Variants in PRRC1 observed in about 807,000 individuals in gnomAD.
PRRC1 encodes the protein protein PRRC1.
A neutral mutation model predicts 40.7 loss-of-function variants in PRRC1; 39 were observed. That is an observed-to-expected ratio of 0.96 (90% CI 0.74 to 1.25). The LOEUF (loss-of-function observed/expected upper bound fraction) is 1.25, where lower values mean the gene tolerates loss of function less well. Ranked by LOEUF, PRRC1 falls within the 50% of genes most tolerant of loss-of-function variation. PRRC1 has a pLI of 0.00. For synonymous variants in PRRC1, 175 were observed against 193.3 expected, an observed-to-expected ratio of 0.91 and a Z score of 0.79; for missense variants, 573 against 548.3, an observed-to-expected ratio of 1.05 and a Z score of -0.45.
At chr5:127,542,800 C>T (rs1438699088) in intron 7 of PRRC1, among the ~76,000 whole-genome samples, 1 of 150,930 alleles carries the variant, frequency 6.6e-6, no homozygotes. Flanking sequence ...CTGAATACAG[C>T]ACACTGATGG....
At chr5:127,548,101 C>T (rs924083453) in intron 8 of PRRC1, 180 bp downstream of exon 8, 49 of 646,684 alleles carry the variant, frequency 7.6e-5, no homozygotes, top group Non-Finnish European at 1.3e-4. Flanking sequence ...GTTTTAGTAC[C>T]TTCCTCCTTT....
intron 1 of PRRC1, among the ~76,000 whole-genome samples, chr5:127,520,444 G>C (rs1580925697): frequency 6.6e-6 from 1 of 152,150 alleles, no homozygotes; most frequent in East Asian, 1.9e-4. Context: ...ATGTCCTTCA[G>C]CAGGTACATT....
In PRRC1 at chr5:127,552,405, AC is replaced by A. The variant is rs1768418607; in HGVS notation, c.*490del. Reference sequence around the variant, plus strand: ...GTGCTGAGCAGCCTGCTCAACAGTCACTATAAGACACCTACTTGTCGGGAGA... The same window carrying A: ...GTGCTGAGCAGCCTGCTCAACAGTCATATAAGACACCTACTTGTCGGGAGA... On this transcript the variant is annotated 3_prime_UTR_variant, in exon 9 of 9. Coordinates refer to ENST00000296666, the MANE Select transcript of PRRC1 (RefSeq NM_130809.5). 1 of 932,552 alleles carries A rather than the reference AC, an allele frequency of 1.1e-6. No individual in the cohort carries two copies. Among genetic ancestry groups the A allele is most frequent in the East Asian group, 1.1e-4 (1 of 8,992 alleles). 57.8% of individuals were successfully genotyped at this position (932,552 alleles called of 1,614,324 possible).
intron 4 of PRRC1, among the ~76,000 whole-genome samples, chr5:127,530,014 A>G (rs1158591342): frequency 1.3e-5 from 2 of 152,134 alleles, no homozygotes; most frequent in East Asian, 3.9e-4. Context: ...ACACACACAT[A>G]TATATGTATA....
intron 4 of PRRC1, 134 bp downstream of exon 4, chr5:127,526,912 G>T: frequency 1.4e-6 from 1 of 710,106 alleles, no homozygotes; most frequent in South Asian, 2.6e-5. Flanking sequence ...TTCTGTAGCT[G>T]CTCTCAGTCT....
chr5:127,539,079 G>T lies in PRRC1; in HGVS notation c.961G>T (p.Val321Leu), dbSNP rs771433746. The stretch of plus-strand genomic sequence containing the variant: ...GATAGATAGCTTGCGTCGAACTGGG[G>T]TGATCCATGAAAAACAGACAGCTGT... ...ERIDSLRRTG[V>L]IHEKQTAVSV... The change falls in exon 7 of 9, where the codon GTG (valine) becomes TTG (leucine). Residue 321 changes from valine (V) to leucine (L), a missense_variant. Coordinates refer to ENST00000296666, the MANE Select transcript of PRRC1 (RefSeq NM_130809.5). The T allele has an allele frequency of 4.3e-6, 7 of 1,612,826 alleles. No homozygotes were observed. Among genetic ancestry groups the T allele is most frequent in the Non-Finnish European group, 5.9e-6 (7 of 1,179,060 alleles).
At position 127,531,617 on chromosome 5, in the gene PRRC1, C is replaced by CTTCTTTTTTTTTTTTTTTTTT. The variant is rs1268819647; in HGVS notation, c.757+1223_757+1224insCTTTTTTTTTTTTTTTTTTTT. ...GCCAGGTGTTTTTATTCTTCTTCTT[C>CTTCTTTTTTTTTTTTTTTTTT]TTTTTTTTTTTTTTTTTTTTTTTGA... is the stretch of plus-strand genomic sequence containing the variant. On this transcript the variant is annotated intron_variant, in intron 5 of 8. Transcript: ENST00000296666. 1.0e-4 allele frequency among the ~76,000 whole-genome samples: 10 copies of CTTCTTTTTTTTTTTTTTTTTT among 99,646 alleles called. 1 individual carries two copies. The highest frequency in any genetic ancestry group is 4.6e-4 in the African/African-American group (10 of 21,562). The allele number at this position is 99,646 out of a possible 152,430, so 65.4% of individuals were successfully genotyped here. A position where few individuals can be genotyped will look rare whatever the true frequency, so the allele number is the denominator to read the frequency against.
At chr5:127,526,426 T>A (rs1015152478) in intron 3 of PRRC1, among the ~76,000 whole-genome samples, 192 bp from the exon 4 acceptor site, 1 of 152,192 alleles carries the variant, frequency 6.6e-6, no homozygotes, top group African/African-American at 2.4e-5. Flanking sequence ...TTTAAGACTA[T>A]ATAAAGGGAA....
Position 127,552,606 on chromosome 5 carries a change from T to C in PRRC1, c.*690T>C. ...ACTATGAACATTGGGGTAATACATT[T>C]TATTTTTTCATTGCTATATGACAGC... On this transcript the variant is annotated 3_prime_UTR_variant, in exon 9 of 9. Coordinates refer to ENST00000296666, the MANE Select transcript of PRRC1 (RefSeq NM_130809.5). 1.0e-6 allele frequency: 1 copy of C among 981,862 alleles called. No individual in the cohort carries two copies. The highest frequency in any genetic ancestry group is 1.2e-6 in the Non-Finnish European group (1 of 826,290). The allele number at this position is 981,862 out of a possible 1,614,324, so 60.8% of individuals were successfully genotyped here. A position where few individuals can be genotyped will look rare whatever the true frequency, so the allele number is the denominator to read the frequency against.
intron 4 of PRRC1, 114 bp from the exon 5 acceptor site, chr5:127,530,180 A>G: frequency 1.4e-6 from 1 of 717,688 alleles, no homozygotes; most frequent in South Asian, 2.0e-5. Flanking sequence ...TATCTTACAA[A>G]AGTACTGGTT....
At chr5:127,529,110 T>G (rs1767699335) in intron 4 of PRRC1, among the ~76,000 whole-genome samples, 1 of 152,158 alleles carries the variant, frequency 6.6e-6, no homozygotes, top group South Asian at 2.1e-4. Context: ...GATTTTTCTT[T>G]TAAATTTTTC....
In PRRC1 at chr5:127,553,935, A is replaced by G. The variant is rs778780080; in HGVS notation, c.*2019A>G. On this transcript the variant is annotated 3_prime_UTR_variant, in exon 9 of 9. Coordinates refer to ENST00000296666, the MANE Select transcript of PRRC1 (RefSeq NM_130809.5). ...TGGGTGAGGAAGATGAGAGATGGTC[A>G]GATGGAAGAGAGAAATACATGAACT... 1 of 1,532,870 alleles carries G rather than the reference A, an allele frequency of 6.5e-7. No individual in the cohort carries two copies. The highest frequency in any genetic ancestry group is 1.4e-5 in the African/African-American group (1 of 72,998). 95.0% of individuals were successfully genotyped at this position (1,532,870 alleles called of 1,614,324 possible). A position where few individuals can be genotyped will look rare whatever the true frequency, so the allele number is the denominator to read the frequency against.
chr5:127,538,779 T>C (rs902641280), intron 6 of PRRC1, among the ~76,000 whole-genome samples: 9 of 152,182 alleles, frequency 5.9e-5, no homozygotes, highest in South Asian at 2.1e-4. Flanking sequence ...GAAAATGTAA[T>C]ATAAAAATAA....
Position 127,552,269 on chromosome 5 carries a change from T to C in PRRC1, c.*353T>C. The C allele has an allele frequency of 2.9e-6, 3 of 1,051,960 alleles. No homozygotes were observed. Among genetic ancestry groups the C allele is most frequent in the Non-Finnish European group, 2.3e-6 (2 of 869,804 alleles). The allele number at this position is 1,051,960 out of a possible 1,614,324, so 65.2% of individuals were successfully genotyped here. Reference sequence around the variant, plus strand: ...ATTATTTTGTTCTTTAAAGAAGACATTATTAAAGAACATGTTGGTTGAATG... The same window carrying C: ...ATTATTTTGTTCTTTAAAGAAGACACTATTAAAGAACATGTTGGTTGAATG... On this transcript the variant is annotated 3_prime_UTR_variant, in exon 9 of 9. Coordinates refer to ENST00000296666, the MANE Select transcript of PRRC1 (RefSeq NM_130809.5).
chr5:127,527,262 T>C (rs981240647), intron 4 of PRRC1, among the ~76,000 whole-genome samples: 2 of 152,216 alleles, frequency 1.3e-5, no homozygotes, highest in African/African-American at 4.8e-5. Context: ...ATGAAGTGTG[T>C]ATACATTCTG....
intron 5 of PRRC1, 132 bp from the exon 6 acceptor site, chr5:127,533,488 AATG>A (rs1484511862): frequency 2.5e-5 from 20 of 789,484 alleles, no homozygotes; most frequent in Non-Finnish European, 3.9e-5. Context: ...TAAAAAAGAT[AATG>A]ATCTATATCT....
Position 127,551,812 on chromosome 5 carries a change from T to G in PRRC1, c.1234T>G (p.Trp412Gly), listed in dbSNP as rs765882287. Residue 412 changes from tryptophan (W) to glycine (G), a missense_variant, in exon 9 of 9, where the codon TGG becomes GGG. Coordinates refer to ENST00000296666, the MANE Select transcript of PRRC1 (RefSeq NM_130809.5). ...TTTACTGAATGTCAGCCGGACTGATTGGCACATGGCATTTACTGGGATGTC... is the reference window on the plus strand; with the variant it reads ...TTTACTGAATGTCAGCCGGACTGATGGGCACATGGCATTTACTGGGATGTC... ...KSLLNVSRTD[W>G]HMAFTGMSRR... 9.3e-6 allele frequency: 15 copies of G among 1,614,034 alleles called. No individual in the cohort carries two copies. The highest frequency in any genetic ancestry group is 1.3e-5 in the Non-Finnish European group (15 of 1,180,014).
intron 8 of PRRC1, 165 bp downstream of exon 8, chr5:127,548,086 A>G (rs764660217): frequency 6.4e-5 from 44 of 682,432 alleles, no homozygotes; most frequent in Admixed American, 2.7e-4. Flanking sequence ...TGATCCTTCC[A>G]TGTTGTTTTA....
Position 127,553,021 on chromosome 5 carries a change from T to C in PRRC1, c.*1105T>C. 1.4e-6 allele frequency: 1 copy of C among 738,730 alleles called. No homozygotes were observed. The highest frequency in any genetic ancestry group is 1.7e-6 in the Non-Finnish European group (1 of 605,806). 45.8% of individuals were successfully genotyped at this position (738,730 alleles called of 1,614,324 possible). The stretch of plus-strand genomic sequence containing the variant: ...ATATTATATCATTTTTGGACTTATA[T>C]AAATGATAATTAAATAAATTTTTTT... On this transcript the variant is annotated 3_prime_UTR_variant, in exon 9 of 9. Transcript: ENST00000296666.
Sources: gnomAD v4.1 joint callset for allele counts (sites outside exome capture counted in the v4.1 genomes callset) on GRCh38, gnomAD v4.1.1 for gene constraint, MANE v1.5 for transcripts, NCBI Gene and HGNC (gene_info 2026-07-23, HGNC 2026-07-21) for gene names.